Variants in ZC3HAV1L observed in about 807,000 individuals in gnomAD.
ZC3HAV1L encodes zinc finger CCCH-type antiviral protein 1-like.
Under a neutral mutation model 28.2 loss-of-function variants are expected in ZC3HAV1L, and 23 were observed. That is an observed-to-expected ratio of 0.82 (90% CI 0.59 to 1.16). The LOEUF is 1.16. Ranked by LOEUF, ZC3HAV1L falls within the 50% of genes most tolerant of loss-of-function variation. The pLI is 0.00. For synonymous variants in ZC3HAV1L, 180 were observed against 163.4 expected (o/e 1.10, Z -0.78); for missense variants, 376 against 387.7 (o/e 0.97, Z 0.25).
chr7:139,023,322 A>G (rs1047921815), downstream of ZC3HAV1L, among the ~76,000 whole-genome samples: 2 of 152,186 alleles, frequency 1.3e-5, no homozygotes, highest in Admixed American at 6.5e-5. Context: ...TCAATATTCA[A>G]TCAGAACATT....
chr7:139,024,043 G>C (rs937209642), downstream of ZC3HAV1L, among the ~76,000 whole-genome samples: 4 of 152,092 alleles, frequency 2.6e-5, no homozygotes, highest in Non-Finnish European at 4.4e-5. Flanking sequence ...ATAAAAGCAG[G>C]AACAAGACTA....
chr7:139,034,003 C>G (rs1815615836), intron 2 of ZC3HAV1L: 1 of 985,326 alleles, frequency 1.0e-6, no homozygotes, highest in African/African-American at 1.7e-5. Flanking sequence ...AGGAAGAAAC[C>G]TGCTTGTTCC....
chr7:139,030,058 G>C (rs149454947), intron 2 of ZC3HAV1L, among the ~76,000 whole-genome samples: 262 of 152,312 alleles, frequency 1.7e-3, no homozygotes, highest in African/African-American at 5.9e-3. Context: ...GTTTTACTAT[G>C]AAAGTCTGAC....
downstream of ZC3HAV1L, among the ~76,000 whole-genome samples, chr7:139,023,182 G>GAAAAA (rs565321825): frequency 7.1e-3 from 728 of 103,086 alleles, 24 homozygotes; most frequent in African/African-American, 0.019. Flanking sequence ...AAGGAAAAAA[G>GAAAAA]AAAAAAAAAA....
intron 3 of ZC3HAV1L, among the ~76,000 whole-genome samples, chr7:139,028,383 AC>A (rs1563113997): frequency 1.5e-4 from 23 of 150,812 alleles, no homozygotes; most frequent in African/African-American, 2.2e-4. Context: ...AAAAAAAAAA[AC>A]AAAAACAAAA....
At chr7:139,023,406 C>T (rs1025612440), downstream of ZC3HAV1L, among the ~76,000 whole-genome samples, 2 of 152,144 alleles carry the variant, frequency 1.3e-5, no homozygotes, top group African/African-American at 4.8e-5. Flanking sequence ...CACATTCCCA[C>T]GTGGATACAA....
chr7:139,034,863 C>T, intron 1 of ZC3HAV1L, 185 bp from the exon 2 acceptor site: 3 of 985,450 alleles, frequency 3.0e-6, no homozygotes, highest in Non-Finnish European at 3.6e-6. Flanking sequence ...AGGAACTCCT[C>T]TCCCAGGGTC....
chr7:139,027,106 G>A (rs777147014), intron 3 of ZC3HAV1L, among the ~76,000 whole-genome samples: 1 of 150,750 alleles, frequency 6.6e-6, no homozygotes, highest in Non-Finnish European at 1.5e-5. Context: ...AGGGTAGAAG[G>A]TACCTGCCAC....
In ZC3HAV1L at chr7:139,034,538, C is replaced by G. The variant is rs754838529; in HGVS notation, c.501+5G>C. 11 of 1,613,858 alleles carry G rather than the reference C, an allele frequency of 6.8e-6. No individual in the cohort carries two copies. The highest frequency in any genetic ancestry group is 1.6e-4 in the Middle Eastern group (1 of 6,082). On this transcript the variant is annotated splice_donor_5th_base_variant and intron_variant, in intron 2 of 4. Coordinates refer to ENST00000275766, the MANE Select transcript of ZC3HAV1L (RefSeq NM_080660.4). Reference sequence around the variant, plus strand: ...TGACATGAGGGTGACTCCTTGGTGACTCACCTCTGGTAAAAGACAGGGGTC... The same window carrying G: ...TGACATGAGGGTGACTCCTTGGTGAGTCACCTCTGGTAAAAGACAGGGGTC...
At chr7:139,022,369 C>T (rs764438470), downstream of ZC3HAV1L, 14 of 426,478 alleles carry the variant, frequency 3.3e-5, no homozygotes, top group Middle Eastern at 1.0e-3. Flanking sequence ...CATAGTGAGA[C>T]CTTGTCTCTA....
At chr7:139,026,890 G>A in intron 3 of ZC3HAV1L, 57 bp from the exon 4 acceptor site, 1 of 1,562,438 alleles carries the variant, frequency 6.4e-7, no homozygotes, top group South Asian at 1.2e-5. Flanking sequence ...ATTTTACGTT[G>A]GGAGCAACAG....
chr7:139,027,308 G>C (rs1424254154), intron 3 of ZC3HAV1L, among the ~76,000 whole-genome samples: 1 of 152,194 alleles, frequency 6.6e-6, no homozygotes, highest in Non-Finnish European at 1.5e-5. Flanking sequence ...CTAGGTACCA[G>C]CAAATGTAAC....
chr7:139,032,004 G>A (rs1263964352), intron 2 of ZC3HAV1L, among the ~76,000 whole-genome samples: 3 of 152,038 alleles, frequency 2.0e-5, no homozygotes, highest in Non-Finnish European at 2.9e-5. Flanking sequence ...GAGCCCAGGA[G>A]ATCGAGGTTG....
intron 2 of ZC3HAV1L, among the ~76,000 whole-genome samples, chr7:139,030,847 TA>T: frequency 6.7e-6 from 1 of 150,092 alleles, no homozygotes; most frequent in African/African-American, 2.5e-5. Context: ...ATTAATTAAT[TA>T]ATTAATTAAA....
At chr7:139,026,989 T>C (rs534342058) in intron 3 of ZC3HAV1L, among the ~76,000 whole-genome samples, 156 bp from the exon 4 acceptor site, 6 of 152,100 alleles carry the variant, frequency 3.9e-5, no homozygotes, top group Admixed American at 2.0e-4. Flanking sequence ...TATGTGTGTG[T>C]GTATAAAAAA....
rs1047646365 is a variant in ZC3HAV1L, at chr7:139,034,870, G to A, written c.366-192C>T. 9.1e-6 allele frequency: 9 copies of A among 985,280 alleles called. No homozygotes were observed. In the African/African-American group the frequency reaches 1.0e-4, roughly 11 times the overall value. 61.0% of individuals were successfully genotyped at this position (985,280 alleles called of 1,614,324 possible). On this transcript the variant is annotated intron_variant, in intron 1 of 4. Coordinates refer to ENST00000275766, the MANE Select transcript of ZC3HAV1L (RefSeq NM_080660.4). The stretch of plus-strand genomic sequence containing the variant: ...TGGGTTGAAGGAACTCCTCTCCCAG[G>A]GTCATTTGAATTTTCAGTAGGGATG...
At position 139,026,636 on chromosome 7, in the gene ZC3HAV1L, A is replaced by G. The variant is rs757540703; in HGVS notation, c.886+72T>C. The G allele has an allele frequency of 4.3e-6, 7 of 1,612,804 alleles. No homozygotes were observed. The East Asian group carries it at 1.3e-4, about 31-fold the overall frequency. On this transcript the variant is annotated intron_variant, in intron 4 of 4. Transcript: ENST00000275766. ...GAATGGTTACAAATTAAAGCTAAAC[A>G]GAAGGCTTGTTTTCAGATCTTCCAA...
chr7:139,026,932 A>G, intron 3 of ZC3HAV1L, 99 bp from the exon 4 acceptor site: 1 of 1,345,160 alleles, frequency 7.4e-7, no homozygotes, highest in Non-Finnish European at 1.0e-6. Flanking sequence ...CAAGACTCCC[A>G]ACACATGGAT....
In ZC3HAV1L at chr7:139,026,438, A is replaced by G; in HGVS notation, c.*106T>C. The G allele has an allele frequency of 2.0e-6, 3 of 1,537,034 alleles. No homozygotes were observed. Among genetic ancestry groups the G allele is most frequent in the Non-Finnish European group, 2.6e-6 (3 of 1,145,406 alleles). ...CTTGCCCTGGACTAGCCCCATCTGC[A>G]CTCAATTTTAGCCTCTCTTTGCCTG... On this transcript the variant is annotated 3_prime_UTR_variant, in exon 5 of 5. Transcript: ENST00000275766.
Sources: gnomAD v4.1 joint callset for allele counts (sites outside exome capture counted in the v4.1 genomes callset) on GRCh38, gnomAD v4.1.1 for gene constraint, MANE v1.5 for transcripts, NCBI Gene and HGNC (gene_info 2026-07-23, HGNC 2026-07-21) for gene names.